The following NRG3 variants were observed in gnomAD, a reference collection of about 807,000 sequenced individuals.
NRG3 encodes neuregulin 3.
NRG3 carries 31 observed loss-of-function variants against 66.9 expected under a neutral mutation model. That is an observed-to-expected ratio of 0.46 (90% CI 0.35 to 0.63). The LOEUF (loss-of-function observed/expected upper bound fraction) is 0.63. NRG3 is among the 20% of genes least tolerant of loss of function. The pLI is 0.00. For synonymous variants in NRG3, 393 were observed against 359.4 expected (o/e 1.09, Z -1.06); for missense variants, 910 against 878.9 (o/e 1.04, Z -0.45).
chr10:82,619,978 C>A lies in NRG3; in HGVS notation c.954-118599C>A, dbSNP rs556133906. Among the ~76,000 whole-genome samples the A allele has an allele frequency of 2.6e-3, 398 of 152,214 alleles. 2 individuals are homozygous for A. The highest frequency in any genetic ancestry group is 9.4e-3 in the African/African-American group (389 of 41,522). On this transcript the variant is annotated intron_variant, in intron 2 of 8. Transcript: ENST00000372141. ...TAATGATGCAGGAGTTTTTCTTAAC[C>A]CCTTCATCGGACTTGTGACACGGAT...
intron 1 of NRG3, among the ~76,000 whole-genome samples, chr10:82,040,892 C>T (rs1023571988): frequency 3.9e-5 from 6 of 152,054 alleles, no homozygotes; most frequent in African/African-American, 1.4e-4. Context: ...TTCTAAAAGC[C>T]TTCTTAGTGG....
intron 2 of NRG3, among the ~76,000 whole-genome samples, chr10:82,697,252 G>A (rs2055460351): frequency 6.6e-6 from 1 of 152,114 alleles, no homozygotes; most frequent in Admixed American, 6.6e-5. Flanking sequence ...TGAAATTGTT[G>A]GATGATGAAG....
Position 81,950,810 on chromosome 10 carries a change from A to G in NRG3, c.823+74647A>G, listed in dbSNP as rs1288132020. ...AAGGCAACGCTTTATGGAAAGAATG[A>G]TACATTCAAAATTCAGTATTCATCT... On this transcript the variant is annotated intron_variant, in intron 1 of 8. Coordinates refer to ENST00000372141, the MANE Select transcript of NRG3 (RefSeq NM_001010848.4). Among the ~76,000 whole-genome samples the G allele has an allele frequency of 2.0e-5, 3 of 152,232 alleles. No individual in the cohort carries two copies. The East Asian group carries it at 5.8e-4, about 29-fold the overall frequency.
intron 2 of NRG3, among the ~76,000 whole-genome samples, chr10:82,615,405 G>T (rs1038513958): frequency 6.6e-6 from 1 of 151,978 alleles, no homozygotes; most frequent in Non-Finnish European, 1.5e-5. Flanking sequence ...ATTGTTAATG[G>T]TATATTGTTT....
At chr10:82,482,625 T>C (rs1842367333) in intron 2 of NRG3, among the ~76,000 whole-genome samples, 1 of 152,158 alleles carries the variant, frequency 6.6e-6, no homozygotes, top group Middle Eastern at 3.2e-3. Context: ...TACGCATTTC[T>C]AGGTTTCACC....
chr10:82,253,652 T>A (rs1170022490), intron 1 of NRG3, among the ~76,000 whole-genome samples: 1 of 152,218 alleles, frequency 6.6e-6, no homozygotes, highest in East Asian at 1.9e-4. Context: ...GTCTTGCCAC[T>A]TTGCCTATTC....
intron 4 of NRG3, among the ~76,000 whole-genome samples, chr10:82,948,792 A>ATT (rs1024562331): frequency 4.6e-5 from 7 of 152,138 alleles, no homozygotes; most frequent in Non-Finnish European, 8.8e-5. Context: ...TTACTTGATA[A>ATT]TTATACTAGG....
intron 1 of NRG3, among the ~76,000 whole-genome samples, chr10:82,256,067 G>C (rs897760162): frequency 6.6e-6 from 1 of 151,954 alleles, no homozygotes; most frequent in African/African-American, 2.4e-5. Context: ...GGGACTATAG[G>C]CACACGCCAC....
intron 1 of NRG3, among the ~76,000 whole-genome samples, chr10:81,986,528 G>C (rs7476147): frequency 6.6e-6 from 1 of 151,754 alleles, no homozygotes; most frequent in Non-Finnish European, 1.5e-5. Flanking sequence ...TGAAAATGAC[G>C]CCTGTGTTTA....
At chr10:82,432,794 C>A (rs185434672) in intron 2 of NRG3, among the ~76,000 whole-genome samples, 9 of 152,314 alleles carry the variant, frequency 5.9e-5, no homozygotes, top group Admixed American at 5.9e-4. Flanking sequence ...AAGACATAAT[C>A]TCATTCCTTT....
At position 82,862,595 on chromosome 10, in the gene NRG3, T is replaced by TA. The variant is rs529271561; in HGVS notation, c.1028-2815dup. Reference sequence around the variant, plus strand: ...GTAAAGGAAATTCCCTTCAAGACCCTAGGGGCTATCTCTGTCTTTGAGCAG... The same window carrying TA: ...GTAAAGGAAATTCCCTTCAAGACCCTAAGGGGCTATCTCTGTCTTTGAGCAG... On this transcript the variant is annotated intron_variant, in intron 3 of 8. Transcript: ENST00000372141. 3.9e-3 allele frequency among the ~76,000 whole-genome samples: 589 copies of TA among 152,296 alleles called. 4 individuals carry two copies. Among genetic ancestry groups the TA allele is most frequent in the Non-Finnish European group, 5.4e-3 (369 of 68,010 alleles).
At chr10:82,807,744 T>A (rs1211892476) in intron 3 of NRG3, among the ~76,000 whole-genome samples, 1 of 152,144 alleles carries the variant, frequency 6.6e-6, no homozygotes, top group East Asian at 1.9e-4. Flanking sequence ...GATTTATACA[T>A]CATGCCTCCA....
At chr10:82,558,893 G>T (rs1032490752) in intron 2 of NRG3, among the ~76,000 whole-genome samples, 1 of 151,992 alleles carries the variant, frequency 6.6e-6, no homozygotes. Context: ...TTCTACAAAG[G>T]AAAGTGCTCT....
At chr10:81,890,676 G>C (rs1842941497) in intron 1 of NRG3, among the ~76,000 whole-genome samples, 2 of 152,180 alleles carry the variant, frequency 1.3e-5, no homozygotes, top group Admixed American at 6.5e-5. Context: ...CCTGATTGCT[G>C]TAAAATAACT....
chr10:82,905,008 C>T (rs1399372929), intron 4 of NRG3, among the ~76,000 whole-genome samples: 1 of 152,022 alleles, frequency 6.6e-6, no homozygotes, highest in Non-Finnish European at 1.5e-5. Flanking sequence ...TTTCACAATT[C>T]CCTGAAATAC....
At chr10:82,330,935 A>G (rs1176806300) in intron 1 of NRG3, among the ~76,000 whole-genome samples, 3 of 152,186 alleles carry the variant, frequency 2.0e-5, no homozygotes, top group Non-Finnish European at 4.4e-5. Context: ...TTTCTACTGA[A>G]CAACATATTG....
chr10:82,298,163 A>C (rs957723159), intron 1 of NRG3, among the ~76,000 whole-genome samples: 6 of 145,844 alleles, frequency 4.1e-5, no homozygotes, highest in African/African-American at 1.5e-4. Context: ...AGAAAGAAAG[A>C]GAGAGGGAGA....
At chr10:82,720,378 C>CA (rs557868911) in intron 2 of NRG3, among the ~76,000 whole-genome samples, 112 of 140,392 alleles carry the variant, frequency 8.0e-4, no homozygotes, top group South Asian at 7.4e-3. Context: ...TGACTGGTCT[C>CA]AAAAAAAAAA....
chr10:82,073,879 T>A (rs1414357831), intron 1 of NRG3, among the ~76,000 whole-genome samples: 1 of 152,212 alleles, frequency 6.6e-6, no homozygotes, highest in Non-Finnish European at 1.5e-5. Context: ...CATTTACTCC[T>A]ACGTCAGACA....
Sources: allele counts gnomAD v4.1 joint callset (sites outside exome capture counted in the v4.1 genomes callset), GRCh38; gene constraint gnomAD v4.1.1; transcripts MANE v1.5; gene names NCBI Gene and HGNC (gene_info 2026-07-23, HGNC 2026-07-21).